The following TNNT1 variants were observed in gnomAD, a reference collection of about 807,000 sequenced individuals.
The protein encoded by TNNT1 is troponin T1, slow skeletal type.
In TNNT1, 53 loss-of-function variants were observed where a neutral mutation model predicts 50.6. The observed-to-expected ratio is 1.05, with a 90% CI of 0.84 to 1.32. The LOEUF (loss-of-function observed/expected upper bound fraction) is 1.32. Among genes scored for constraint, TNNT1 ranks in the 40% most tolerant of loss-of-function variants. The probability of loss-of-function intolerance (pLI) is 0.00; values close to 1 mark genes in which losing one functional copy is unlikely to be tolerated. For missense variants in TNNT1, 348 were observed against 381.7 expected, an observed-to-expected ratio of 0.91 and a Z score of 0.74; for synonymous variants, 142 against 138.0, an observed-to-expected ratio of 1.03 and a Z score of -0.20.
chr19:55,137,334 CAG>C (rs1364537950), intron 10 of TNNT1, 122 bp from the exon 11 acceptor site: 9 of 694,340 alleles, frequency 1.3e-5, no homozygotes, highest in Admixed American at 4.2e-5. Context: ...GTCTGCACCC[CAG>C]GCCCATCTCC....
At position 55,137,097 on chromosome 19, in the gene TNNT1, A is replaced by AC; in HGVS notation, c.611+5dup. The AC allele has an allele frequency of 7.1e-7, 1 of 1,415,486 alleles. No homozygotes were observed. The highest frequency in any genetic ancestry group is 9.7e-7 in the Non-Finnish European group (1 of 1,028,954). 87.7% of individuals were successfully genotyped at this position (1,415,486 alleles called of 1,614,324 possible). A position where few individuals can be genotyped will look rare whatever the true frequency, so the allele number is the denominator to read the frequency against. ...CCCTACACCCCGAGCCCCCCACAGC[A>AC]CCTACCGGAGCTGTTCCTCCCCCAT... On this transcript the variant is annotated splice_donor_region_variant and intron_variant, in intron 11 of 13. Transcript: ENST00000588981.
chr19:55,135,498 A>G, intron 11 of TNNT1: 1 of 311,588 alleles, frequency 3.2e-6, no homozygotes, highest in African/African-American at 2.5e-5. Flanking sequence ...TCAACCTCTC[A>G]GGCTCTAGTG....
At chr19:55,139,811 A>AAAAT (rs1555857596) in intron 9 of TNNT1, among the ~76,000 whole-genome samples, 19 of 151,518 alleles carry the variant, frequency 1.3e-4, no homozygotes, top group East Asian at 7.7e-4. Flanking sequence ...AAATAAAAAA[A>AAAAT]AATAATAATA....
chr19:55,140,772 G>C, intron 9 of TNNT1, 111 bp downstream of exon 9: 1 of 776,232 alleles, frequency 1.3e-6, no homozygotes, highest in Non-Finnish European at 1.8e-6. Flanking sequence ...GCTAGACTCC[G>C]TTTCAAAGAA....
chr19:55,140,836 G>A (rs756857893), intron 9 of TNNT1, 47 bp downstream of exon 9: 28 of 1,463,550 alleles, frequency 1.9e-5, no homozygotes, highest in Admixed American at 1.7e-4. Flanking sequence ...ATGGGCATCC[G>A]GCTGAAGAAG....
rs2085363483 is a variant in TNNT1 at position 55,137,277 on chromosome 19, G to A, written c.502-65C>T. ...ATCCCACAGAGCACTGCCGTGTCGG[G>A]ACCCACACGTCGGATCCCACAGACC... is the stretch of plus-strand genomic sequence containing the variant. On this transcript the variant is annotated intron_variant, in intron 10 of 13. Coordinates refer to ENST00000588981, the MANE Select transcript of TNNT1 (RefSeq NM_003283.6). The A allele has an allele frequency of 7.6e-6, 9 of 1,189,838 alleles. No individual in the cohort carries two copies. The South Asian group carries it at 1.1e-4, about 15-fold the overall frequency. 73.7% of individuals were successfully genotyped at this position (1,189,838 alleles called of 1,614,324 possible).
intron 1 of TNNT1, among the ~76,000 whole-genome samples, chr19:55,148,885 T>G (rs1191043954): frequency 6.6e-6 from 1 of 152,006 alleles, no homozygotes; most frequent in Non-Finnish European, 1.5e-5. Context: ...TTCCCCCAGA[T>G]TCCCAGAACC....
At chr19:55,133,667 G>A in intron 13 of TNNT1, 1 of 599,288 alleles carries the variant, frequency 1.7e-6, no homozygotes, top group Non-Finnish European at 2.9e-6. Flanking sequence ...GACAGAGCGA[G>A]ACGCAGTCTC....
At chr19:55,144,362 G>A (rs925407921) in intron 6 of TNNT1, among the ~76,000 whole-genome samples, 3 of 151,860 alleles carry the variant, frequency 2.0e-5, no homozygotes, top group African/African-American at 4.8e-5. Context: ...GAACCACTGC[G>A]CCCGGCCCCA....
chr19:55,142,532 T>A (rs1236755544), intron 6 of TNNT1, among the ~76,000 whole-genome samples: 1 of 148,952 alleles, frequency 6.7e-6, no homozygotes, highest in Admixed American at 6.7e-5. Flanking sequence ...CTTTAAAAAA[T>A]ATGCCTAGTA....
chr19:55,137,445 C>A (rs1436220349), intron 10 of TNNT1, among the ~76,000 whole-genome samples: 2 of 151,726 alleles, frequency 1.3e-5, no homozygotes, highest in African/African-American at 2.4e-5. Context: ...AGCCCCAGAC[C>A]CTCTCGCATT....
At chr19:55,143,334 G>T (rs1456676547) in intron 6 of TNNT1, among the ~76,000 whole-genome samples, 1 of 152,166 alleles carries the variant, frequency 6.6e-6, no homozygotes, top group Non-Finnish European at 1.5e-5. Context: ...TGTGTGGCTT[G>T]CCATCTATTT....
chr19:55,133,838 C>T (rs2085291960), intron 13 of TNNT1, 49 bp downstream of exon 13: 2 of 1,612,028 alleles, frequency 1.2e-6, no homozygotes, highest in African/African-American at 1.3e-5. Context: ...GCCTGAGAGT[C>T]AGCGGGAGGG....
At chr19:55,144,933 G>A (rs10412252) in intron 6 of TNNT1, among the ~76,000 whole-genome samples, 3,215 of 152,228 alleles carry the variant, frequency 0.021, 106 homozygotes, top group African/African-American at 0.072. Context: ...TGTAGGCAGG[G>A]AGGCCAGAGA....
At chr19:55,146,253 C>T (rs930724606) in intron 5 of TNNT1, among the ~76,000 whole-genome samples, 181 bp downstream of exon 5, 3 of 151,098 alleles carry the variant, frequency 2.0e-5, no homozygotes, top group African/African-American at 7.3e-5. Context: ...ACTGCGGGGC[C>T]ATTTCCCTTC....
rs1383876742 is a variant in TNNT1 at position 55,146,483 on chromosome 19, G to A, written c.74-17C>T. 2.9e-6 allele frequency: 4 copies of A among 1,361,762 alleles called. No homozygotes were observed. Among genetic ancestry groups the A allele is most frequent in the East Asian group, 2.9e-5 (1 of 33,926 alleles). The allele number at this position is 1,361,762 out of a possible 1,614,324, so 84.4% of individuals were successfully genotyped here. ...CTTCGGGGGCTGGGGAGGGGAGGGA[G>A]GAGCAGCGAGGGTTTGGGGAGCGAG... On this transcript the variant is annotated splice_polypyrimidine_tract_variant and intron_variant, in intron 4 of 13. Transcript: ENST00000588981.
chr19:55,144,048 C>T (rs2085503652), intron 6 of TNNT1, among the ~76,000 whole-genome samples: 1 of 149,546 alleles, frequency 6.7e-6, no homozygotes. Context: ...CCTCTCAGTC[C>T]ATTCCCCCAC....
At chr19:55,147,923 G>C in intron 1 of TNNT1, 1 of 162,394 alleles carries the variant, frequency 6.2e-6, no homozygotes, top group Non-Finnish European at 1.4e-5. Flanking sequence ...CTGCGTCTGA[G>C]GGAGGAGGGC....
Position 55,132,837 on chromosome 19 carries a change from A to T in TNNT1, c.*78T>A. 7.2e-7 allele frequency: 1 copy of T among 1,383,606 alleles called. No individual in the cohort carries two copies. Among genetic ancestry groups the T allele is most frequent in the Non-Finnish European group, 1.0e-6 (1 of 992,922 alleles). The allele number at this position is 1,383,606 out of a possible 1,614,324, so 85.7% of individuals were successfully genotyped here. A position where few individuals can be genotyped will look rare whatever the true frequency, so the allele number is the denominator to read the frequency against. On this transcript the variant is annotated 3_prime_UTR_variant, in exon 14 of 14. Transcript: ENST00000588981. ...CATCAGAGAACCCAGCGGGTGTCTGAGGGGAGCGTTTATTTCAAGCTACCG... is the reference window on the plus strand; with the variant it reads ...CATCAGAGAACCCAGCGGGTGTCTGTGGGGAGCGTTTATTTCAAGCTACCG...
Sources: gnomAD v4.1 joint callset for allele counts (sites outside exome capture counted in the v4.1 genomes callset) on GRCh38, gnomAD v4.1.1 for gene constraint, MANE v1.5 for transcripts, NCBI Gene and HGNC (gene_info 2026-07-23, HGNC 2026-07-21) for gene names.